Variants in MMP26 observed in about 807,000 individuals in gnomAD.
The protein encoded by MMP26 is matrix metallopeptidase 26, also known as matrix metalloproteinase-26.
Under a neutral mutation model 31.0 loss-of-function variants are expected in MMP26, and 33 were observed. The ratio of observed to expected loss-of-function variants is 1.06; its 90% CI spans 0.81 to 1.42. MMP26 has a LOEUF of 1.42. Among genes scored for constraint, MMP26 ranks in the 40% most tolerant of loss-of-function variants. The pLI, the probability that MMP26 is intolerant of heterozygous loss-of-function variation, is 0.00. For synonymous variants in MMP26, 122 were observed against 114.9 expected, an observed-to-expected ratio of 1.06 and a Z score of -0.40; for missense variants, 347 against 316.1, an observed-to-expected ratio of 1.10 and a Z score of -0.74.
Position 4,992,046 on chromosome 11 carries a change from G to A in MMP26, c.678G>A (p.Met226Ile), listed in dbSNP as rs752334930. 1.2e-6 allele frequency: 2 copies of A among 1,613,676 alleles called. No individual in the cohort carries two copies. The highest frequency in any genetic ancestry group is 1.3e-5 in the African/African-American group (1 of 74,798). The change falls in exon 7 of 8, where the codon ATG (methionine) becomes ATA (isoleucine). Residue 226 changes from methionine to isoleucine, a missense_variant. Met to Ile is a conservative substitution (Grantham distance 10, BLOSUM62 1). Coordinates refer to ENST00000380390, the MANE Select transcript of MMP26 (RefSeq NM_021801.5). ...LQHSGNQSSI[M>I]YPTYWYHDPR... Reference sequence around the variant, plus strand: ...ACTCTGGGAATCAGAGCTCCATAATGTACCCCACTTACTGGTATCACGACC... The same window carrying A: ...ACTCTGGGAATCAGAGCTCCATAATATACCCCACTTACTGGTATCACGACC...
At chr11:4,896,509 G>T (rs1236344211) in intron 2 of MMP26, among the ~76,000 whole-genome samples, 1 of 152,194 alleles carries the variant, frequency 6.6e-6, no homozygotes, top group Non-Finnish European at 1.5e-5. Context: ...GCTATGGTCA[G>T]ACTGGGATGG....
At chr11:4,883,237 AT>A (rs59635167) in intron 2 of MMP26, among the ~76,000 whole-genome samples, 114,952 of 150,706 alleles carry the variant, frequency 0.76, 44,764 homozygotes, top group South Asian at 0.86. Flanking sequence ...CAGCTGAACA[AT>A]TTTTTTTTTT....
chr11:4,843,884 G>A (rs1849831297), intron 2 of MMP26, among the ~76,000 whole-genome samples: 1 of 151,728 alleles, frequency 6.6e-6, no homozygotes, highest in Admixed American at 6.6e-5. Context: ...CATGCATATG[G>A]GTGTACACCG....
chr11:4,723,213 T>G, intron 1 of MMP26: 1 of 1,445,986 alleles, frequency 6.9e-7, no homozygotes, highest in Non-Finnish European at 9.7e-7. Context: ...CTCTGGCCTT[T>G]GAGGCCCTCA....
intron 2 of MMP26, among the ~76,000 whole-genome samples, chr11:4,852,237 C>CA (rs71468018): frequency 0.11 from 16,460 of 151,664 alleles, 995 homozygotes; most frequent in Middle Eastern, 0.19. Flanking sequence ...GTGAGATAAG[C>CA]AATTTACCAA....
chr11:4,840,706 G>A (rs750772413), intron 2 of MMP26, among the ~76,000 whole-genome samples: 2 of 152,036 alleles, frequency 1.3e-5, no homozygotes, highest in Non-Finnish European at 2.9e-5. Context: ...AAGAAGGATG[G>A]GTACAAAGAA....
intron 2 of MMP26, chr11:4,908,236 T>C: frequency 1.2e-6 from 2 of 1,614,144 alleles, no homozygotes; most frequent in Non-Finnish European, 8.5e-7. Flanking sequence ...TGAACCCCAT[T>C]GTGTACTGTG....
intron 2 of MMP26, chr11:4,924,251 G>T: frequency 6.2e-7 from 1 of 1,614,168 alleles, no homozygotes; most frequent in Non-Finnish European, 8.5e-7. Flanking sequence ...GAAGGGAATA[G>T]AGATCCAGCC....
intron 2 of MMP26, among the ~76,000 whole-genome samples, chr11:4,849,966 T>C (rs1849951892): frequency 6.6e-6 from 1 of 152,174 alleles, no homozygotes; most frequent in Non-Finnish European, 1.5e-5. Context: ...TCGCCTTGAG[T>C]AATTATAATT....
At chr11:4,767,498 G>A (rs954635514) in intron 2 of MMP26, among the ~76,000 whole-genome samples, 157 bp downstream of exon 2, 5 of 151,838 alleles carry the variant, frequency 3.3e-5, no homozygotes, top group South Asian at 4.2e-4. Context: ...TGTTTCCCAC[G>A]AGGTCAAACA....
intron 2 of MMP26, among the ~76,000 whole-genome samples, chr11:4,824,514 G>A (rs987213662): frequency 3.9e-5 from 6 of 152,076 alleles, no homozygotes; most frequent in Non-Finnish European, 5.9e-5. Flanking sequence ...AGCCTACAGA[G>A]TACGGCAACT....
chr11:4,882,691 C>T (rs1564799925), intron 2 of MMP26: 1 of 1,613,996 alleles, frequency 6.2e-7, no homozygotes, highest in Non-Finnish European at 8.5e-7. Flanking sequence ...CTTTGGCACA[C>T]CGCCTCTTCC....
At chr11:4,987,940 G>T (rs1846930149) in intron 2 of MMP26, 128 bp from the exon 3 acceptor site, 2 of 489,664 alleles carry the variant, frequency 4.1e-6, no homozygotes, top group Admixed American at 3.2e-5. Flanking sequence ...TTCTGAGACT[G>T]ACCTGTATTT....
intron 1 of MMP26, chr11:4,711,216 A>G (rs1370993519): frequency 6.6e-6 from 1 of 152,222 alleles, no homozygotes; most frequent in Non-Finnish European, 1.5e-5. Context: ...ACCTAATAAA[A>G]CATAAAATAC....
At chr11:4,893,623 G>C (rs74054633) in intron 2 of MMP26, among the ~76,000 whole-genome samples, 1 of 152,262 alleles carries the variant, frequency 6.6e-6, no homozygotes, top group African/African-American at 2.4e-5. Context: ...AGTGTTTACA[G>C]TAAGAAGGAA....
At chr11:4,875,583 A>G (rs1015886391) in intron 2 of MMP26, 1 of 151,958 alleles carries the variant, frequency 6.6e-6, no homozygotes. Context: ...TTCATCTTCA[A>G]TGTCAATAAT....
intron 1 of MMP26, chr11:4,723,410 T>G (rs1444075992): frequency 2.1e-6 from 2 of 972,460 alleles, no homozygotes; most frequent in East Asian, 2.4e-5. Context: ...TCAGCGATAG[T>G]GTTGTCCATG....
intron 2 of MMP26, chr11:4,915,207 A>T: frequency 1.2e-6 from 2 of 1,614,090 alleles, no homozygotes; most frequent in Non-Finnish European, 8.5e-7. Flanking sequence ...CGACCCAGAG[A>T]GACCAGGCCA....
intron 2 of MMP26, among the ~76,000 whole-genome samples, chr11:4,858,240 A>G (rs1850086856): frequency 6.6e-6 from 1 of 152,150 alleles, no homozygotes; most frequent in South Asian, 2.1e-4. Context: ...ATCAAGCAGG[A>G]GAAAGAAATA....
Sources: gnomAD v4.1 joint callset for allele counts (sites outside exome capture counted in the v4.1 genomes callset) on GRCh38, gnomAD v4.1.1 for gene constraint, MANE v1.5 for transcripts, NCBI Gene and HGNC (gene_info 2026-07-23, HGNC 2026-07-21) for gene names.